CFAP61: variants seen among roughly 807,000 people sequenced by gnomAD.
CFAP61 encodes the protein cilia and flagella associated protein 61, also known as cilia- and flagella-associated protein 61.
A neutral mutation model predicts 135.6 loss-of-function variants in CFAP61; 107 were observed. That is an observed-to-expected ratio of 0.79 (90% CI 0.67 to 0.93). The LOEUF (loss-of-function observed/expected upper bound fraction) is 0.93. CFAP61 is among the 40% of genes least tolerant of loss of function. The pLI is 0.00. For synonymous variants in CFAP61, 575 were observed against 578.5 expected (o/e 0.99, Z 0.09); for missense variants, 1,507 against 1,556.2 (o/e 0.97, Z 0.53).
intron 25 of CFAP61, among the ~76,000 whole-genome samples, chr20:20,324,291 C>T (rs1282815573): frequency 2.6e-5 from 4 of 152,132 alleles, no homozygotes; most frequent in African/African-American, 9.7e-5. Flanking sequence ...TCCCTCCGCT[C>T]AGTCCCACTC....
At chr20:20,354,605 G>A (rs1015295059) in intron 26 of CFAP61, among the ~76,000 whole-genome samples, 2 of 152,236 alleles carry the variant, frequency 1.3e-5, no homozygotes, top group Non-Finnish European at 2.9e-5. Context: ...ATGAGGGGAG[G>A]AAGGGGTGGT....
chr20:20,184,241 A>G (rs1054101984), intron 13 of CFAP61, among the ~76,000 whole-genome samples: 23 of 152,196 alleles, frequency 1.5e-4, no homozygotes, highest in Admixed American at 9.2e-4. Context: ...TATATGTAAA[A>G]AAACATGTAA....
intron 8 of CFAP61, among the ~76,000 whole-genome samples, chr20:20,132,645 G>T (rs1555878952): frequency 6.6e-6 from 1 of 151,876 alleles, no homozygotes; most frequent in Non-Finnish European, 1.5e-5. Context: ...CTACTCATAG[G>T]CTGTCTATCA....
chr20:20,182,159 A>G (rs2055149661), intron 13 of CFAP61, among the ~76,000 whole-genome samples: 3 of 152,164 alleles, frequency 2.0e-5, no homozygotes, highest in Non-Finnish European at 2.9e-5. Context: ...AATACTCTAA[A>G]TCTCTATGAT....
chr20:20,352,944 G>C (rs867475341), intron 26 of CFAP61, among the ~76,000 whole-genome samples: 52 of 152,138 alleles, frequency 3.4e-4, no homozygotes, highest in African/African-American at 1.1e-3. Context: ...CATCTGATTT[G>C]ATGTATGATA....
chr20:20,158,567 G>A (rs540104649), intron 9 of CFAP61, among the ~76,000 whole-genome samples: 1 of 152,190 alleles, frequency 6.6e-6, no homozygotes, highest in Non-Finnish European at 1.5e-5. Context: ...GCAACAAAGA[G>A]GACTAAACCA....
chr20:20,080,572 C>T (rs1040402016), intron 6 of CFAP61, among the ~76,000 whole-genome samples: 7 of 152,094 alleles, frequency 4.6e-5, no homozygotes, highest in Admixed American at 4.6e-4. Context: ...GTAGGAAATA[C>T]CCAGATGTTT....
At chr20:20,337,602 GGATA>G (rs2058275112) in intron 25 of CFAP61, among the ~76,000 whole-genome samples, 1 of 69,436 alleles carries the variant, frequency 1.4e-5, no homozygotes, top group Non-Finnish European at 3.4e-5. Flanking sequence ...ATGGATGGAT[GGATA>G]GATGGGTGGG....
Position 20,199,917 on chromosome 20 carries a change from G to A in CFAP61, c.1932+15G>A, listed in dbSNP as rs756832544. 3.5e-5 allele frequency: 56 copies of A among 1,612,992 alleles called. No individual in the cohort carries two copies. Among genetic ancestry groups the A allele is most frequent in the East Asian group, 1.6e-4 (7 of 44,890 alleles). On this transcript the variant is annotated intron_variant, in intron 17 of 26. Transcript: ENST00000245957. ...CCAAGGATCCGGTGGGTAGCAGGGC[G>A]GCAGGCAGGGCGGCGCGGTGCCAGC...
At chr20:20,196,818 TCA>T in intron 16 of CFAP61, 42 bp downstream of exon 16, 1 of 1,541,516 alleles carries the variant, frequency 6.5e-7, no homozygotes. Flanking sequence ...AGGTCAACGT[TCA>T]CAGTGTTGTT....
intron 2 of CFAP61, among the ~76,000 whole-genome samples, chr20:20,066,108 A>G (rs2045243196): frequency 6.6e-6 from 1 of 152,240 alleles, no homozygotes. Flanking sequence ...AGAGAAATGC[A>G]AATCAAAACC....
chr20:20,236,021 A>T (rs939342207), intron 18 of CFAP61, among the ~76,000 whole-genome samples: 1 of 152,064 alleles, frequency 6.6e-6, no homozygotes, highest in Non-Finnish European at 1.5e-5. Context: ...ATAGTAAGAC[A>T]TAGGCTTGAA....
At chr20:20,114,922 T>C (rs2049036025) in intron 8 of CFAP61, among the ~76,000 whole-genome samples, 1 of 152,196 alleles carries the variant, frequency 6.6e-6, no homozygotes, top group Non-Finnish European at 1.5e-5. Flanking sequence ...TTATTAGGAA[T>C]GGTTTGTTTG....
intron 22 of CFAP61, among the ~76,000 whole-genome samples, chr20:20,283,943 A>T (rs932670778): frequency 2.0e-5 from 3 of 152,234 alleles, no homozygotes; most frequent in Admixed American, 6.5e-5. Flanking sequence ...CCTGTCTTAA[A>T]GTCACATGTG....
intron 13 of CFAP61, among the ~76,000 whole-genome samples, chr20:20,180,607 C>T (rs781401979): frequency 4.6e-5 from 7 of 152,142 alleles, no homozygotes; most frequent in Non-Finnish European, 7.4e-5. Context: ...TGTGACGACT[C>T]CTCAAAGACG....
intron 18 of CFAP61, among the ~76,000 whole-genome samples, chr20:20,238,940 G>C (rs1280244356): frequency 6.6e-6 from 1 of 151,904 alleles, no homozygotes; most frequent in Non-Finnish European, 1.5e-5. Flanking sequence ...TCATTGGCTT[G>C]AGCACTTAAC....
At chr20:20,236,387 A>G (rs2049595609) in intron 18 of CFAP61, among the ~76,000 whole-genome samples, 1 of 152,182 alleles carries the variant, frequency 6.6e-6, no homozygotes, top group South Asian at 2.1e-4. Context: ...TCTCATCTAT[A>G]AGGAAACCTA....
At chr20:20,101,850 A>T (rs143988539) in intron 8 of CFAP61, among the ~76,000 whole-genome samples, 1 of 151,470 alleles carries the variant, frequency 6.6e-6, no homozygotes, top group Admixed American at 6.6e-5. Flanking sequence ...CTGGTCTTGA[A>T]CTCCGGGCCT....
chr20:20,108,721 A>G (rs893395946), intron 8 of CFAP61, among the ~76,000 whole-genome samples: 35 of 152,234 alleles, frequency 2.3e-4, no homozygotes, highest in African/African-American at 8.4e-4. Flanking sequence ...GAAAAGTTGC[A>G]GATACGTTTT....
Sources: gnomAD v4.1 joint callset for allele counts (sites outside exome capture counted in the v4.1 genomes callset) on GRCh38, gnomAD v4.1.1 for gene constraint, MANE v1.5 for transcripts, NCBI Gene and HGNC (gene_info 2026-07-23, HGNC 2026-07-21) for gene names.